Variants in SNX29 observed in about 807,000 individuals in gnomAD.
SNX29 encodes the protein sorting nexin 29.
Under a neutral mutation model 102.1 loss-of-function variants are expected in SNX29, and 78 were observed. The ratio of observed to expected loss-of-function variants is 0.76; its 90% CI spans 0.64 to 0.92. The LOEUF (loss-of-function observed/expected upper bound fraction) is 0.92. Ranked by LOEUF, SNX29 falls within the 40% of genes least tolerant of loss-of-function variation. The pLI is 0.00. For missense variants in SNX29, 1,280 were observed against 1,061.7 expected (o/e 1.21, Z -2.86); for synonymous variants, 580 against 414.5 (o/e 1.40, Z -4.85).
rs781705140 is a variant in SNX29 at position 12,569,821 on chromosome 16, C to T, written c.*1192C>T. ...TGCTCAGCAAAGTTGTGGCAGTTTG[C>T]ATTTCTAGGGTAAACTAACTAGGAA... On this transcript the variant is annotated 3_prime_UTR_variant, in exon 21 of 21. Coordinates refer to ENST00000566228, the MANE Select transcript of SNX29 (RefSeq NM_032167.5). 6 of 230,122 alleles carry T rather than the reference C, an allele frequency of 2.6e-5. No homozygotes were observed. Among genetic ancestry groups the T allele is most frequent in the South Asian group, 1.8e-4 (1 of 5,500 alleles). 14.3% of individuals were successfully genotyped at this position (230,122 alleles called of 1,614,324 possible). A position where few individuals can be genotyped will look rare whatever the true frequency, so the allele number is the denominator to read the frequency against.
At chr16:12,079,835 TTC>T (rs1282134613) in intron 11 of SNX29, among the ~76,000 whole-genome samples, 1 of 152,160 alleles carries the variant, frequency 6.6e-6, no homozygotes, top group African/African-American at 2.4e-5. Flanking sequence ...TTCATTCTCA[TTC>T]CAGGCGGCAG....
intron 11 of SNX29, among the ~76,000 whole-genome samples, chr16:12,119,997 C>G (rs527547484): frequency 6.6e-6 from 1 of 152,154 alleles, no homozygotes; most frequent in East Asian, 1.9e-4. Context: ...ACATTTTTTC[C>G]TCCTTTATCT....
intron 16 of SNX29, among the ~76,000 whole-genome samples, chr16:12,360,992 G>A (rs1246290503): frequency 6.6e-6 from 1 of 152,328 alleles, no homozygotes; most frequent in South Asian, 2.1e-4. Context: ...TTGCAGGAAC[G>A]GGTATGGGAG....
chr16:12,193,949 C>A (rs1051525768), intron 13 of SNX29, among the ~76,000 whole-genome samples: 1 of 152,120 alleles, frequency 6.6e-6, no homozygotes, highest in Non-Finnish European at 1.5e-5. Flanking sequence ...GCTGCTTTTT[C>A]AAAAATGATT....
intron 11 of SNX29, among the ~76,000 whole-genome samples, chr16:12,089,578 C>T (rs2052400557): frequency 6.6e-6 from 1 of 152,052 alleles, no homozygotes; most frequent in African/African-American, 2.4e-5. Flanking sequence ...CAGATGTCAG[C>T]GGGGCTGAGG....
intron 15 of SNX29, among the ~76,000 whole-genome samples, chr16:12,348,871 G>A (rs927809725): frequency 6.6e-6 from 1 of 152,182 alleles, no homozygotes; most frequent in Non-Finnish European, 1.5e-5. Flanking sequence ...GGGTACAGGT[G>A]AGTACTGCTC....
At chr16:12,254,235 G>A (rs774588336) in intron 14 of SNX29, among the ~76,000 whole-genome samples, 6 of 152,184 alleles carry the variant, frequency 3.9e-5, no homozygotes, top group Non-Finnish European at 8.8e-5. Flanking sequence ...GGAACACATT[G>A]AGGGTATTGA....
intron 3 of SNX29, among the ~76,000 whole-genome samples, chr16:12,003,740 C>T (rs981127084): frequency 6.6e-6 from 1 of 152,210 alleles, no homozygotes; most frequent in Admixed American, 6.5e-5. Flanking sequence ...GGTGCGGTGG[C>T]TCATGCCAAT....
chr16:12,003,480 G>A lies in SNX29; in HGVS notation c.122+437G>A, dbSNP rs554693391. 6.4e-4 allele frequency among the ~76,000 whole-genome samples: 97 copies of A among 152,210 alleles called. 1 individual carries two copies. The highest frequency in any genetic ancestry group is 6.8e-3 in the Middle Eastern group (2 of 294). On this transcript the variant is annotated intron_variant, in intron 3 of 20. Transcript: ENST00000566228. ...TTTGTTTTCAACAGAAAAATGCATA[G>A]GTAGTGATTTAAAAATTACATATAT... is the stretch of plus-strand genomic sequence containing the variant.
intron 14 of SNX29, among the ~76,000 whole-genome samples, chr16:12,210,125 G>A (rs1428797235): frequency 5.3e-5 from 8 of 152,160 alleles, no homozygotes; most frequent in African/African-American, 1.9e-4. Flanking sequence ...ATGTGGGCCT[G>A]TCATCCCACT....
At chr16:12,540,577 C>G (rs940934606) in intron 20 of SNX29, among the ~76,000 whole-genome samples, 2 of 152,164 alleles carry the variant, frequency 1.3e-5, no homozygotes, top group African/African-American at 2.4e-5. Flanking sequence ...TCTTTGCTTC[C>G]CAGCAATTAC....
At chr16:12,480,361 A>G (rs1413754683) in intron 19 of SNX29, among the ~76,000 whole-genome samples, 5 of 152,100 alleles carry the variant, frequency 3.3e-5, no homozygotes, top group Non-Finnish European at 7.4e-5. Context: ...TTCTGTCTTC[A>G]GAGACATCAC....
At chr16:12,376,143 TACCCAGGAGGTGAG>T (rs1301955384) in intron 16 of SNX29, 6 of 151,810 alleles carry the variant, frequency 4.0e-5, no homozygotes, top group Admixed American at 3.9e-4. Context: ...CTCAGGGGAT[TACCCAGGAGGTGAG>T]GACCAGGAAC....
chr16:12,055,700 A>C (rs192912845), intron 8 of SNX29, among the ~76,000 whole-genome samples: 1 of 152,096 alleles, frequency 6.6e-6, no homozygotes, highest in Non-Finnish European at 1.5e-5. Context: ...TCTTTTTCCT[A>C]TCGAGGCCTT....
intron 15 of SNX29, among the ~76,000 whole-genome samples, chr16:12,297,692 G>A (rs959379677): frequency 6.6e-6 from 1 of 152,118 alleles, no homozygotes; most frequent in African/African-American, 2.4e-5. Context: ...TCATTTCTCT[G>A]TACATCTCCA....
intron 15 of SNX29, among the ~76,000 whole-genome samples, chr16:12,304,200 A>G (rs1259195053): frequency 1.4e-5 from 2 of 144,350 alleles, no homozygotes; most frequent in African/African-American, 2.6e-5. Context: ...TTTTGCCTTG[A>G]CTTCTAAGAA....
chr16:12,103,909 T>G (rs2053124406), intron 11 of SNX29, among the ~76,000 whole-genome samples: 1 of 152,256 alleles, frequency 6.6e-6, no homozygotes, highest in Non-Finnish European at 1.5e-5. Context: ...TTCTGTGATG[T>G]TTTTGTAATC....
intron 19 of SNX29, among the ~76,000 whole-genome samples, chr16:12,501,748 A>G (rs2089136821): frequency 6.7e-6 from 1 of 150,344 alleles, no homozygotes; most frequent in Admixed American, 6.6e-5. Context: ...AAAAAAAAAA[A>G]AAAGGCAGTG....
intron 18 of SNX29, among the ~76,000 whole-genome samples, chr16:12,426,644 G>A (rs1470751068): frequency 6.6e-6 from 1 of 152,198 alleles, no homozygotes; most frequent in Admixed American, 6.6e-5. Context: ...TTTATGGTAT[G>A]TGAATTGTAT....
Sources: gnomAD v4.1 joint callset for allele counts (sites outside exome capture counted in the v4.1 genomes callset) on GRCh38, gnomAD v4.1.1 for gene constraint, MANE v1.5 for transcripts, NCBI Gene and HGNC (gene_info 2026-07-23, HGNC 2026-07-21) for gene names.